The following PSMA1 variants were observed in gnomAD, a reference collection of about 807,000 sequenced individuals.
PSMA1 encodes proteasome subunit alpha type-1.
PSMA1 carries 3 observed loss-of-function variants against 38.4 expected under a neutral mutation model. The observed-to-expected ratio is 0.08, with a 90% CI of 0.04 to 0.20. The LOEUF is 0.20. Among genes scored for constraint, PSMA1 ranks in the 10% least tolerant of loss-of-function variants. The probability of loss-of-function intolerance (pLI) is 1.00; values close to 1 mark genes in which losing one functional copy is unlikely to be tolerated. For missense variants in PSMA1, 227 were observed against 325.3 expected (o/e 0.70, Z 2.32); for synonymous variants, 101 against 107.1 (o/e 0.94, Z 0.35).
chr11:14,543,040 A>G (rs1851790056), intron 2 of PSMA1, among the ~76,000 whole-genome samples: 2 of 152,064 alleles, frequency 1.3e-5, no homozygotes, highest in Non-Finnish European at 2.9e-5. Flanking sequence ...CCTGTTACCC[A>G]GGCTGGTTTT....
At chr11:14,538,860 G>A (rs912669858) in intron 2 of PSMA1, among the ~76,000 whole-genome samples, 1 of 152,222 alleles carries the variant, frequency 6.6e-6, no homozygotes, top group Admixed American at 6.5e-5. Context: ...GTTGTTTGGG[G>A]TGTGCGTAAT....
At chr11:14,581,852 A>G (rs1450207223) in intron 2 of PSMA1, among the ~76,000 whole-genome samples, 3 of 152,192 alleles carry the variant, frequency 2.0e-5, no homozygotes, top group Non-Finnish European at 4.4e-5. Flanking sequence ...GTTTCCTCTT[A>G]TAGAAGCAAG....
rs558590268 is a variant in PSMA1, at chr11:14,578,166, A to G, written c.21+32800T>C. Among the ~76,000 whole-genome samples, 180 of 152,234 alleles carry G rather than the reference A, an allele frequency of 1.2e-3. 2 individuals carry two copies. The highest frequency in any genetic ancestry group is 2.2e-3 in the Non-Finnish European group (149 of 68,024). On this transcript the variant is annotated intron_variant, in intron 2 of 10. Coordinates refer to the PSMA1 transcript ENST00000418988. ...TGCAGCAAGCCACCATGGCAAGTGT[A>G]TACCTTTGTAACAAACTTGCATGTT... is the stretch of plus-strand genomic sequence containing the variant.
chr11:14,513,947 T>C, intron 5 of PSMA1, 60 bp from the exon 6 acceptor site: 3 of 1,490,768 alleles, frequency 2.0e-6, no homozygotes, highest in Non-Finnish European at 2.7e-6. Context: ...TATTTTCAAA[T>C]TATACATTAT....
intron 2 of PSMA1, among the ~76,000 whole-genome samples, chr11:14,540,230 GA>G: frequency 6.6e-6 from 1 of 152,138 alleles, no homozygotes; most frequent in East Asian, 1.9e-4. Flanking sequence ...TTCTGTGGGT[GA>G]CCTTGTCTTT....
At chr11:14,590,098 G>T (rs1315226285) in intron 2 of PSMA1, among the ~76,000 whole-genome samples, 1 of 152,198 alleles carries the variant, frequency 6.6e-6, no homozygotes, top group Non-Finnish European at 1.5e-5. Context: ...AGGCAGAGAA[G>T]GATACATGCT....
intron 1 of PSMA1, among the ~76,000 whole-genome samples, chr11:14,614,213 A>G (rs774261246): frequency 7.2e-5 from 11 of 152,150 alleles, no homozygotes; most frequent in Admixed American, 1.3e-4. Context: ...CTCCTAAACT[A>G]CCATGCAATT....
chr11:14,576,122 G>C (rs1241081628), intron 2 of PSMA1, among the ~76,000 whole-genome samples: 1 of 152,064 alleles, frequency 6.6e-6, no homozygotes, highest in African/African-American at 2.4e-5. Context: ...ATTTTTTCTT[G>C]TATATTTGTT....
chr11:14,623,652 A>T (rs1019829033), intron 1 of PSMA1, among the ~76,000 whole-genome samples: 2 of 152,240 alleles, frequency 1.3e-5, no homozygotes, highest in African/African-American at 4.8e-5. Flanking sequence ...TGAAGCAGAT[A>T]TAATAACCAG....
At chr11:14,606,544 T>C (rs937571835) in intron 2 of PSMA1, among the ~76,000 whole-genome samples, 1 of 152,116 alleles carries the variant, frequency 6.6e-6, no homozygotes, top group African/African-American at 2.4e-5. Context: ...GATAAATAAA[T>C]GCAGGCCTAC....
chr11:14,641,551 T>C (rs1027388930), intron 1 of PSMA1, among the ~76,000 whole-genome samples: 7 of 152,204 alleles, frequency 4.6e-5, no homozygotes, highest in Non-Finnish European at 1.0e-4. Context: ...AGGTGCTAGG[T>C]TGGCCTTCAG....
chr11:14,519,269 C>T, intron 1 of PSMA1: 1 of 586,884 alleles, frequency 1.7e-6, no homozygotes, highest in Non-Finnish European at 3.2e-6. Flanking sequence ...TTTCCAAACT[C>T]TTATTCTAAC....
upstream of PSMA1, among the ~76,000 whole-genome samples, chr11:14,524,378 G>T (rs910318988): frequency 6.6e-6 from 1 of 152,090 alleles, no homozygotes; most frequent in African/African-American, 2.4e-5. Context: ...CTTAACTGAC[G>T]AAGTTCCACC....
chr11:14,627,929 T>C (rs1262932465), intron 1 of PSMA1, among the ~76,000 whole-genome samples: 1 of 152,186 alleles, frequency 6.6e-6, no homozygotes, highest in East Asian at 1.9e-4. Flanking sequence ...GGCTATCTTT[T>C]AGGACAGGGA....
intron 2 of PSMA1, among the ~76,000 whole-genome samples, chr11:14,568,351 C>T (rs542972916): frequency 6.6e-6 from 1 of 152,310 alleles, no homozygotes; most frequent in African/African-American, 2.4e-5. Flanking sequence ...TTCCCTGGAG[C>T]TTGTTGCCCA....
At chr11:14,608,350 A>ATT (rs1196289321) in intron 2 of PSMA1, among the ~76,000 whole-genome samples, 3 of 151,598 alleles carry the variant, frequency 2.0e-5, no homozygotes, top group Non-Finnish European at 2.9e-5. Flanking sequence ...CCCTGTCTCT[A>ATT]TTATATATAT....
chr11:14,514,728 C>A (rs1851399039), intron 4 of PSMA1, among the ~76,000 whole-genome samples: 1 of 152,142 alleles, frequency 6.6e-6, no homozygotes, highest in South Asian at 2.1e-4. Flanking sequence ...ATCTTTGTAT[C>A]AGAGCACTTA....
upstream of PSMA1, chr11:14,520,411 C>G: frequency 6.2e-6 from 10 of 1,612,066 alleles, no homozygotes; most frequent in African/African-American, 5.3e-5. Flanking sequence ...TTGACGGCGG[C>G]GGCGCAGGGT....
upstream of PSMA1, among the ~76,000 whole-genome samples, chr11:14,524,485 T>G (rs1387385877): frequency 6.6e-6 from 1 of 152,158 alleles, no homozygotes; most frequent in Non-Finnish European, 1.5e-5. Context: ...CCCTTGAGAA[T>G]GTACTTTGTG....
Sources: allele counts gnomAD v4.1 joint callset (sites outside exome capture counted in the v4.1 genomes callset), GRCh38; gene constraint gnomAD v4.1.1; transcripts MANE v1.5; gene names NCBI Gene and HGNC (gene_info 2026-07-23, HGNC 2026-07-21).